Variants in KCNB2 observed in about 807,000 individuals in gnomAD.
KCNB2 encodes the protein delayed rectifier potassium channel protein.
Under a neutral mutation model 61.5 loss-of-function variants are expected in KCNB2, and 15 were observed. The ratio of observed to expected loss-of-function variants is 0.24; its 90% CI spans 0.16 to 0.38. The LOEUF is 0.38. Among genes scored for constraint, KCNB2 ranks in the 10% least tolerant of loss-of-function variants. The pLI, the probability that KCNB2 is intolerant of heterozygous loss-of-function variation, is 1.00. For missense variants in KCNB2, 828 were observed against 1,125.2 expected (o/e 0.74, Z 3.78); for synonymous variants, 457 against 446.0 (o/e 1.02, Z -0.31).
At chr8:72,714,525 A>AATT (rs1807390167) in intron 2 of KCNB2, among the ~76,000 whole-genome samples, 1 of 147,994 alleles carries the variant, frequency 6.8e-6, no homozygotes, top group African/African-American at 2.6e-5. Context: ...TAAAGAAAAG[A>AATT]ATTTTCAACC....
intron 2 of KCNB2, among the ~76,000 whole-genome samples, chr8:72,803,341 A>G (rs961000301): frequency 6.6e-6 from 1 of 152,074 alleles, no homozygotes; most frequent in African/African-American, 2.4e-5. Flanking sequence ...TCAGATGCCC[A>G]TGTCTTGTTT....
intron 2 of KCNB2, among the ~76,000 whole-genome samples, chr8:72,838,997 T>G (rs1175815683): frequency 6.6e-6 from 1 of 152,156 alleles, no homozygotes; most frequent in Admixed American, 6.5e-5. Flanking sequence ...TTTTAGAAAT[T>G]TTTAAAATTT....
chr8:72,754,359 A>G (rs957419822), intron 2 of KCNB2, among the ~76,000 whole-genome samples: 1 of 152,200 alleles, frequency 6.6e-6, no homozygotes, highest in South Asian at 2.1e-4. Context: ...GGGAAAACCA[A>G]TGAAATTTTT....
intron 2 of KCNB2, among the ~76,000 whole-genome samples, chr8:72,852,501 G>A (rs1006140383): frequency 5.9e-5 from 9 of 152,154 alleles, no homozygotes; most frequent in South Asian, 2.1e-4. Flanking sequence ...TGCAGGGCCC[G>A]TAGTTCTATT....
intron 2 of KCNB2, among the ~76,000 whole-genome samples, chr8:72,869,096 A>G (rs941575373): frequency 6.6e-6 from 1 of 152,230 alleles, no homozygotes; most frequent in African/African-American, 2.4e-5. Context: ...TTTCACTAAC[A>G]TAAAGAGGAA....
intron 2 of KCNB2, among the ~76,000 whole-genome samples, chr8:72,769,259 G>A (rs1431972060): frequency 6.6e-6 from 1 of 151,924 alleles, no homozygotes; most frequent in Non-Finnish European, 1.5e-5. Flanking sequence ...TAGATAAGGT[G>A]GATATGTATG....
At chr8:72,728,661 C>G (rs1247243979) in intron 2 of KCNB2, among the ~76,000 whole-genome samples, 1 of 152,006 alleles carries the variant, frequency 6.6e-6, no homozygotes, top group Non-Finnish European at 1.5e-5. Context: ...GGAAAATTAG[C>G]TGCACCTAAA....
At chr8:72,723,849 A>AT (rs893425271) in intron 2 of KCNB2, among the ~76,000 whole-genome samples, 11 of 152,212 alleles carry the variant, frequency 7.2e-5, no homozygotes, top group Non-Finnish European at 1.2e-4. Flanking sequence ...GATTTCTGTC[A>AT]CTGGCAATTA....
Position 72,703,621 on chromosome 8 carries a change from T to G in KCNB2, c.579+135308T>G, listed in dbSNP as rs190686798. Among the ~76,000 whole-genome samples the G allele has an allele frequency of 2.1e-3, 320 of 152,252 alleles. 3 individuals carry two copies. The highest frequency in any genetic ancestry group is 7.2e-3 in the African/African-American group (301 of 41,552). On this transcript the variant is annotated intron_variant, in intron 2 of 2. Coordinates refer to ENST00000523207, the MANE Select transcript of KCNB2 (RefSeq NM_004770.3). ...CTGAGAGCTGCTGGTTGCATGTACT[T>G]TCAGAATCAGAGAGGATGAGGGCTT...
chr8:72,716,667 A>G (rs1807447560), intron 2 of KCNB2, among the ~76,000 whole-genome samples: 1 of 152,204 alleles, frequency 6.6e-6, no homozygotes, highest in South Asian at 2.1e-4. Context: ...GTATCTCAAA[A>G]TAATAAGAGC....
intron 2 of KCNB2, among the ~76,000 whole-genome samples, chr8:72,582,124 T>G (rs1397333568): frequency 6.6e-6 from 1 of 152,184 alleles, no homozygotes; most frequent in East Asian, 1.9e-4. Context: ...ATAAGTTACA[T>G]GAAGCAGACT....
At chr8:72,890,427 T>C (rs953946567) in intron 2 of KCNB2, among the ~76,000 whole-genome samples, 9 of 152,094 alleles carry the variant, frequency 5.9e-5, no homozygotes, top group African/African-American at 2.2e-4. Context: ...TCCTCAGTAA[T>C]AGAGGCTTAT....
chr8:72,542,686 G>A (rs1267903368), intron 1 of KCNB2, among the ~76,000 whole-genome samples: 1 of 152,114 alleles, frequency 6.6e-6, no homozygotes, highest in Non-Finnish European at 1.5e-5. Context: ...AGAAAATGGA[G>A]AGGGTATTTG....
chr8:72,655,154 A>T (rs1806271682), intron 2 of KCNB2, among the ~76,000 whole-genome samples: 1 of 152,182 alleles, frequency 6.6e-6, no homozygotes, highest in Non-Finnish European at 1.5e-5. Context: ...AGCAACATGG[A>T]TGGAGCTGGA....
At chr8:72,601,804 A>G (rs188719077) in intron 2 of KCNB2, among the ~76,000 whole-genome samples, 2 of 152,318 alleles carry the variant, frequency 1.3e-5, no homozygotes, top group Admixed American at 6.5e-5. Flanking sequence ...AGAACACTCT[A>G]TCACAAAAAC....
chr8:72,798,716 C>T (rs17766634), intron 2 of KCNB2, among the ~76,000 whole-genome samples: 4,038 of 152,162 alleles, frequency 0.027, 63 homozygotes, highest in African/African-American at 0.037. Flanking sequence ...CATCAAGGAC[C>T]CATTCTCACA....
At chr8:72,582,542 C>T (rs865991034) in intron 2 of KCNB2, among the ~76,000 whole-genome samples, 6 of 152,202 alleles carry the variant, frequency 3.9e-5, no homozygotes, top group South Asian at 2.1e-4. Context: ...GAGTTTGAAT[C>T]AAGATAGACC....
rs190982698 is a variant in KCNB2 at position 72,599,996 on chromosome 8, A to G, written c.579+31683A>G. 1.5e-3 allele frequency among the ~76,000 whole-genome samples: 234 copies of G among 152,274 alleles called. 1 individual carries two copies. Among genetic ancestry groups the G allele is most frequent in the African/African-American group, 5.3e-3 (222 of 41,540 alleles). ...AGGAACACTTTTACACTGTTGGTGG[A>G]ACTGTAAACTAGTTCAACCATTGTG... On this transcript the variant is annotated intron_variant, in intron 2 of 2. Coordinates refer to ENST00000523207, the MANE Select transcript of KCNB2 (RefSeq NM_004770.3).
chr8:72,855,441 C>A (rs922399050), intron 2 of KCNB2, among the ~76,000 whole-genome samples: 1 of 152,126 alleles, frequency 6.6e-6, no homozygotes, highest in Non-Finnish European at 1.5e-5. Context: ...CAGTGCTCAG[C>A]TCAAACAACC....
Sources: allele counts gnomAD v4.1 joint callset (sites outside exome capture counted in the v4.1 genomes callset), GRCh38; gene constraint gnomAD v4.1.1; transcripts MANE v1.5; gene names NCBI Gene and HGNC (gene_info 2026-07-23, HGNC 2026-07-21).